The following INSYN1 variants were observed in gnomAD, a reference collection of about 807,000 sequenced individuals.
The protein encoded by INSYN1 is UPF0583 protein C15orf59.
INSYN1 carries 7 observed loss-of-function variants against 17.1 expected under a neutral mutation model. The ratio of observed to expected loss-of-function variants is 0.41; its 90% confidence interval spans 0.23 to 0.77. INSYN1 has a LOEUF of 0.77. Ranked by LOEUF, INSYN1 falls within the 30% of genes least tolerant of loss-of-function variation. The pLI is 0.32. For missense variants in INSYN1, 339 were observed against 400.6 expected, an observed-to-expected ratio of 0.85 and a Z score of 1.31; for synonymous variants, 174 against 166.3, an observed-to-expected ratio of 1.05 and a Z score of -0.36.
At chr15:73,744,772 C>A (rs1052202707) in intron 2 of INSYN1, among the ~76,000 whole-genome samples, 1 of 152,062 alleles carries the variant, frequency 6.6e-6, no homozygotes, top group South Asian at 2.1e-4. Context: ...AGAAATTGAA[C>A]CATAAAATTA....
At chr15:73,741,550 A>C (rs1177498379) in intron 2 of INSYN1, among the ~76,000 whole-genome samples, 2 of 152,216 alleles carry the variant, frequency 1.3e-5, no homozygotes, top group Non-Finnish European at 2.9e-5. Flanking sequence ...CACATAAATC[A>C]GGGAGGAAGA....
chr15:73,746,686 T>C (rs1261558332), intron 2 of INSYN1, among the ~76,000 whole-genome samples: 2 of 152,164 alleles, frequency 1.3e-5, no homozygotes, highest in African/African-American at 4.8e-5. Flanking sequence ...TGAGCAACTG[T>C]GCCCTTAAGT....
In INSYN1 at chr15:73,753,317, G is replaced by GCTCCGCTTGC. The variant is rs1425596764; in HGVS notation, c.-1785_-1776dup. Among the ~76,000 whole-genome samples the GCTCCGCTTGC allele has an allele frequency of 6.6e-6, 1 of 151,164 alleles. No individual in the cohort carries two copies. Among genetic ancestry groups the GCTCCGCTTGC allele is most frequent in the Non-Finnish European group, 1.5e-5 (1 of 67,710 alleles). ...CCTTAAAGGCCGCCCGGCTCGCTTGGCTCCGCTTGCCTCGGCGCTGTCAGG... is the reference window on the plus strand; with the variant it reads ...CCTTAAAGGCCGCCCGGCTCGCTTGGCTCCGCTTGCCTCCGCTTGCCTCGGCGCTGTCAGG... On this transcript the variant is annotated 5_prime_UTR_variant, in exon 1 of 3. Coordinates refer to ENST00000569673, the MANE Select transcript of INSYN1 (RefSeq NM_001039614.3). This position sits in a 1 kb window ranked among gnomAD's most constrained non-coding sequence, Gnocchi z 4.2.
intron 2 of INSYN1, among the ~76,000 whole-genome samples, chr15:73,744,732 G>C (rs1181976610): frequency 1.3e-5 from 2 of 152,148 alleles, no homozygotes; most frequent in Non-Finnish European, 2.9e-5. Flanking sequence ...TACACAGAAG[G>C]AAAGAGAGGG....
chr15:73,746,295 C>T (rs933911617), intron 2 of INSYN1, among the ~76,000 whole-genome samples: 2 of 151,838 alleles, frequency 1.3e-5, no homozygotes, highest in African/African-American at 4.8e-5. Context: ...TAAATCTGTC[C>T]GGAGGAGGAG....
chr15:73,742,088 C>G (rs1033000964), intron 2 of INSYN1, among the ~76,000 whole-genome samples: 1 of 152,202 alleles, frequency 6.6e-6, no homozygotes, highest in Non-Finnish European at 1.5e-5. Flanking sequence ...CCTTCCATGT[C>G]TGAGATTCTA....
At chr15:73,749,645 G>A (rs1901926162) in intron 2 of INSYN1, among the ~76,000 whole-genome samples, 1 of 152,192 alleles carries the variant, frequency 6.6e-6, no homozygotes, top group Non-Finnish European at 1.5e-5. Context: ...GCGTTCCGCA[G>A]GGGCATCTGG....
rs1420622830 is a variant in INSYN1, at chr15:73,751,654, T to C, written c.-524A>G. 1 of 163,656 alleles carries C rather than the reference T, an allele frequency of 6.1e-6. No homozygotes were observed. Among genetic ancestry groups the C allele is most frequent in the Non-Finnish European group, 1.4e-5 (1 of 73,848 alleles). 10.1% of individuals were successfully genotyped at this position (163,656 alleles called of 1,614,324 possible). On this transcript the variant is annotated 5_prime_UTR_variant, in exon 2 of 3. Coordinates refer to ENST00000569673, the MANE Select transcript of INSYN1 (RefSeq NM_001039614.3). ...CCAGATGTGGAAGGGGCTCCGGATA[T>C]GGGCAGCTCTGGGGAGGGAGCTGGA... is the stretch of plus-strand genomic sequence containing the variant.
At chr15:73,748,399 A>G (rs1901894233) in intron 2 of INSYN1, among the ~76,000 whole-genome samples, 1 of 152,084 alleles carries the variant, frequency 6.6e-6, no homozygotes, top group Non-Finnish European at 1.5e-5. Context: ...CCCACCCCCA[A>G]CAGTCTTGTA....
At chr15:73,741,184 C>T (rs1209181543) in intron 2 of INSYN1, among the ~76,000 whole-genome samples, 1 of 152,150 alleles carries the variant, frequency 6.6e-6, no homozygotes, top group African/African-American at 2.4e-5. Flanking sequence ...TGGTGACTGT[C>T]GCCCCTGGGT....
At position 73,751,182 on chromosome 15, in the gene INSYN1, A is replaced by G. The variant is rs7497362; in HGVS notation, c.-52T>C. On this transcript the variant is annotated 5_prime_UTR_variant, in exon 2 of 3. Coordinates refer to ENST00000569673, the MANE Select transcript of INSYN1 (RefSeq NM_001039614.3). Reference sequence around the variant, plus strand: ...CCATACTCCCCCCAGCTGGGCACACACTGCGTCTGCCTCCACGGAGCCCCC... The same window carrying G: ...CCATACTCCCCCCAGCTGGGCACACGCTGCGTCTGCCTCCACGGAGCCCCC... The G allele has an allele frequency of 0.78, 1,253,876 of 1,599,994 alleles. 493,421 individuals are homozygous for G. Among genetic ancestry groups the G allele is most frequent in the East Asian group, 0.92 (40,728 of 44,482 alleles).
At chr15:73,746,780 C>T (rs1039047457) in intron 2 of INSYN1, among the ~76,000 whole-genome samples, 14 of 152,048 alleles carry the variant, frequency 9.2e-5, no homozygotes, top group South Asian at 2.1e-4. Context: ...TGTTGAGTGA[C>T]GCCTGGGGGA....
In INSYN1 at chr15:73,737,275, G is replaced by T. The variant is rs962876777; in HGVS notation, c.*2642C>A. 1.3e-5 allele frequency: 2 copies of T among 152,258 alleles called. No homozygotes were observed. Among genetic ancestry groups the T allele is most frequent in the African/African-American group, 4.8e-5 (2 of 41,470 alleles). 9.4% of individuals were successfully genotyped at this position (152,258 alleles called of 1,614,324 possible). On this transcript the variant is annotated 3_prime_UTR_variant, in exon 3 of 3. Coordinates refer to ENST00000569673, the MANE Select transcript of INSYN1 (RefSeq NM_001039614.3). ...GATGAGAAACTGTGAGCCTGAAAGTGCTCTTGCCATGACAGATGAAATGCA... is the reference window on the plus strand; with the variant it reads ...GATGAGAAACTGTGAGCCTGAAAGTTCTCTTGCCATGACAGATGAAATGCA...
Position 73,751,088 on chromosome 15 carries a change from C to G in INSYN1, c.43G>C (p.Asp15His), listed in dbSNP as rs772102988. 1 of 1,613,888 alleles carries G rather than the reference C, an allele frequency of 6.2e-7. No homozygotes were observed. Among genetic ancestry groups the G allele is most frequent in the African/African-American group, 1.3e-5 (1 of 74,924 alleles). Residue 15 changes from aspartate to histidine, a missense_variant, in exon 2 of 3, where the codon GAC becomes CAC. By Grantham distance (81) the Asp-to-His change is moderately conservative. Coordinates refer to ENST00000569673, the MANE Select transcript of INSYN1 (RefSeq NM_001039614.3). ...TCCCGCTCACCACCACTGCTGGGGT[C>G]GTCACTGGGCTGCCCGAGGTCCGGG... Reference protein sequence around the residue: ...GAPDLGQPSDDPSSGGERERI... With the variant: ...GAPDLGQPSDHPSSGGERERI...
At chr15:73,744,163 C>T (rs1384076940) in intron 2 of INSYN1, among the ~76,000 whole-genome samples, 2 of 152,204 alleles carry the variant, frequency 1.3e-5, no homozygotes, top group African/African-American at 4.8e-5. Flanking sequence ...AACATGTGAT[C>T]ATGCCCCCGC....
chr15:73,739,873 T>G lies in INSYN1; in HGVS notation c.*44A>C, dbSNP rs1242485674. ...TATATATATATATATATATATTTAT[T>G]TATAGCTCTATGTGCCCACCGCCCC... On this transcript the variant is annotated 3_prime_UTR_variant, in exon 3 of 3. Transcript: ENST00000569673. The G allele has an allele frequency of 1.5e-5, 8 of 548,798 alleles. No homozygotes were observed. The highest frequency in any genetic ancestry group is 1.2e-4 in the African/African-American group (6 of 50,598). The allele number at this position is 548,798 out of a possible 1,614,324, so 34.0% of individuals were successfully genotyped here. A position where few individuals can be genotyped will look rare whatever the true frequency, so the allele number is the denominator to read the frequency against.
At chr15:73,746,199 G>A (rs1007775854) in intron 2 of INSYN1, among the ~76,000 whole-genome samples, 7 of 152,090 alleles carry the variant, frequency 4.6e-5, no homozygotes, top group African/African-American at 1.2e-4. Context: ...TCTTCTTGGG[G>A]GGCTGTGGAG....
At chr15:73,743,828 CAAAAAAAAAAAAAAAAAA>C (rs71434209) in intron 2 of INSYN1, among the ~76,000 whole-genome samples, 1 of 21,294 alleles carries the variant, frequency 4.7e-5, no homozygotes. Flanking sequence ...GACTCTGTCT[CAAAAAAAAAAAAAAAAAA>C]AAAAAAAAAA....
rs1392622777 is a variant in INSYN1 at position 73,752,093 on chromosome 15, C to T, written c.-568+17G>A. 1 of 152,272 alleles carries T rather than the reference C, an allele frequency of 6.6e-6. No homozygotes were observed. Among genetic ancestry groups the T allele is most frequent in the Non-Finnish European group, 1.5e-5 (1 of 68,192 alleles). The allele number at this position is 152,272 out of a possible 1,614,324, so 9.4% of individuals were successfully genotyped here. A position where few individuals can be genotyped will look rare whatever the true frequency, so the allele number is the denominator to read the frequency against. ...CCCAGCCCCGCCTTCCCTCAGAACC[C>T]CCACTCCTGGACTCACCGAGGGTGG... On this transcript the variant is annotated intron_variant, in intron 1 of 2. Coordinates refer to ENST00000569673, the MANE Select transcript of INSYN1 (RefSeq NM_001039614.3). The surrounding 1 kb of genome is among the most constrained non-coding windows in gnomAD (Gnocchi z 5.2).
Sources: allele counts gnomAD v4.1 joint callset (sites outside exome capture counted in the v4.1 genomes callset), GRCh38; gene constraint gnomAD v4.1.1; non-coding constraint Gnocchi (gnomAD v3.1); transcripts MANE v1.5; gene names NCBI Gene and HGNC (gene_info 2026-07-23, HGNC 2026-07-21).